Variants in NAALADL2 observed in about 807,000 individuals in gnomAD.
NAALADL2 encodes the protein inactive N-acetylated-alpha-linked acidic dipeptidase-like protein 2.
In NAALADL2, 76 loss-of-function variants were observed where a neutral mutation model predicts 87.2. The ratio of observed to expected loss-of-function variants is 0.87; its 90% CI spans 0.72 to 1.05. The LOEUF is 1.05. NAALADL2 is among the 50% of genes least tolerant of loss of function. The pLI is 0.00. For missense variants in NAALADL2, 1,089 were observed against 945.8 expected (o/e 1.15, Z -1.99); for synonymous variants, 354 against 331.0 (o/e 1.07, Z -0.75).
chr3:174,682,221 T>A (rs956894844), intron 2 of NAALADL2, among the ~76,000 whole-genome samples: 7 of 152,232 alleles, frequency 4.6e-5, no homozygotes, highest in African/African-American at 1.7e-4. Context: ...ATGGCTTGGG[T>A]GCAAGCTCAG....
chr3:174,715,155 C>G (rs1029684976), intron 2 of NAALADL2, among the ~76,000 whole-genome samples: 1 of 152,122 alleles, frequency 6.6e-6, no homozygotes, highest in Non-Finnish European at 1.5e-5. Context: ...TAAGATAAAT[C>G]TATCCAAATC....
chr3:175,694,108 C>T (rs1028893161), intron 11 of NAALADL2, among the ~76,000 whole-genome samples: 2 of 152,102 alleles, frequency 1.3e-5, no homozygotes, highest in Non-Finnish European at 2.9e-5. Flanking sequence ...TTTGGTACTG[C>T]ATTAATTTGT....
At chr3:175,350,599 G>A (rs1037687489) in intron 5 of NAALADL2, among the ~76,000 whole-genome samples, 2 of 152,118 alleles carry the variant, frequency 1.3e-5, no homozygotes, top group African/African-American at 4.8e-5. Flanking sequence ...CACATTAGGC[G>A]TCTCTTTTTC....
chr3:174,957,354 AG>A (rs1320138801), intron 1 of NAALADL2, among the ~76,000 whole-genome samples: 1 of 152,070 alleles, frequency 6.6e-6, no homozygotes. Context: ...TCCTCACTGC[AG>A]GCTAGTTAGC....
At chr3:174,806,492 C>T (rs1719514576) in intron 3 of NAALADL2, among the ~76,000 whole-genome samples, 1 of 152,180 alleles carries the variant, frequency 6.6e-6, no homozygotes, top group Admixed American at 6.6e-5. Context: ...TGTCTGATGA[C>T]AGGACACCCA....
At chr3:175,062,996 C>CT (rs1388638766) in intron 1 of NAALADL2, among the ~76,000 whole-genome samples, 1 of 152,114 alleles carries the variant, frequency 6.6e-6, no homozygotes, top group African/African-American at 2.4e-5. Flanking sequence ...CTTGTAAACT[C>CT]TGTGATAATA....
chr3:175,513,691 G>A (rs1447034742), intron 9 of NAALADL2, among the ~76,000 whole-genome samples: 1 of 152,172 alleles, frequency 6.6e-6, no homozygotes, highest in African/African-American at 2.4e-5. Context: ...ATGATTTACA[G>A]TGGGCAGTCT....
chr3:175,440,052 T>G (rs2149198286), intron 5 of NAALADL2, among the ~76,000 whole-genome samples: 1 of 152,326 alleles, frequency 6.6e-6, no homozygotes, highest in East Asian at 1.9e-4. Context: ...CGTCTTGAGT[T>G]GATTTTTGTA....
intron 3 of NAALADL2, among the ~76,000 whole-genome samples, chr3:174,811,244 T>TGGG (rs1174327372): frequency 2.0e-5 from 3 of 152,170 alleles, no homozygotes; most frequent in African/African-American, 7.2e-5. Context: ...AGAGGCACTC[T>TGGG]GTCCTCCAGA....
At chr3:175,140,892 G>C (rs1024809126) in intron 2 of NAALADL2, among the ~76,000 whole-genome samples, 3 of 152,146 alleles carry the variant, frequency 2.0e-5, no homozygotes, top group African/African-American at 7.2e-5. Context: ...TTACCCTTTT[G>C]CTTGGCAGTA....
chr3:175,261,563 ACT>A (rs368790190), intron 4 of NAALADL2, among the ~76,000 whole-genome samples: 92 of 151,954 alleles, frequency 6.1e-4, no homozygotes, highest in African/African-American at 1.8e-3. Flanking sequence ...AAATCCAAAA[ACT>A]CTATTGCTTT....
At chr3:174,845,871 C>G (rs9873293) in intron 3 of NAALADL2, among the ~76,000 whole-genome samples, 49,106 of 151,998 alleles carry the variant, frequency 0.32, 8,111 homozygotes, top group East Asian at 0.48. Context: ...ATGACAGTAG[C>G]GTCTTAGGAA....
chr3:175,663,200 A>G (rs1417516363), intron 11 of NAALADL2, among the ~76,000 whole-genome samples: 1 of 151,416 alleles, frequency 6.6e-6, no homozygotes, highest in East Asian at 1.9e-4. Context: ...GTGGGGAGAC[A>G]TTTTACTACT....
intron 3 of NAALADL2, among the ~76,000 whole-genome samples, chr3:174,784,202 C>G (rs972540687): frequency 6.6e-6 from 1 of 152,128 alleles, no homozygotes; most frequent in Admixed American, 6.6e-5. Flanking sequence ...AATAATATCA[C>G]ACACTTCTAT....
At chr3:175,131,853 G>T (rs530195876) in intron 2 of NAALADL2, among the ~76,000 whole-genome samples, 1 of 67,696 alleles carries the variant, frequency 1.5e-5, no homozygotes, top group Non-Finnish European at 2.8e-5. Context: ...CGGACGGGGC[G>T]GCTGGCCGGG....
At chr3:175,570,680 A>G (rs1263073698) in intron 9 of NAALADL2, among the ~76,000 whole-genome samples, 1 of 152,068 alleles carries the variant, frequency 6.6e-6, no homozygotes, top group Non-Finnish European at 1.5e-5. Context: ...GGAGATCGAG[A>G]CCATCCTGGC....
chr3:175,232,621 G>A (rs950162173), intron 2 of NAALADL2, among the ~76,000 whole-genome samples: 23 of 152,206 alleles, frequency 1.5e-4, no homozygotes, highest in Middle Eastern at 3.4e-3. Flanking sequence ...GAAAGCTTAC[G>A]AATTTGCATT....
At chr3:174,844,835 GTTTTTTT>G (rs781333758) in intron 3 of NAALADL2, among the ~76,000 whole-genome samples, 70 of 35,448 alleles carry the variant, frequency 2.0e-3, no homozygotes, top group Non-Finnish European at 2.8e-3. Flanking sequence ...AGTTCTAATG[GTTTTTTT>G]TTTTTTTTTT....
intron 2 of NAALADL2, among the ~76,000 whole-genome samples, chr3:174,603,326 G>A (rs898756331): frequency 6.6e-6 from 1 of 151,772 alleles, no homozygotes; most frequent in Non-Finnish European, 1.5e-5. Flanking sequence ...TTTCTTCATG[G>A]TTTCATCTTG....
Sources: gnomAD v4.1 joint callset for allele counts (sites outside exome capture counted in the v4.1 genomes callset) on GRCh38, gnomAD v4.1.1 for gene constraint, MANE v1.5 for transcripts, NCBI Gene and HGNC (gene_info 2026-07-23, HGNC 2026-07-21) for gene names.